Variants in TMEM108 observed in about 807,000 individuals in gnomAD.
TMEM108 encodes the protein cancer/testis antigen 124.
TMEM108 carries 12 observed loss-of-function variants against 35.1 expected under a neutral mutation model. That is an observed-to-expected ratio of 0.34 (90% CI 0.22 to 0.55). The LOEUF (loss-of-function observed/expected upper bound fraction) is 0.55, where lower values mean the gene tolerates loss of function less well. Ranked by LOEUF, TMEM108 falls within the 20% of genes least tolerant of loss-of-function variation. TMEM108 has a pLI of 0.89. For synonymous variants in TMEM108, 287 were observed against 308.6 expected (o/e 0.93, Z 0.73); for missense variants, 680 against 753.3 (o/e 0.90, Z 1.14).
At chr3:133,355,976 C>T (rs1373869003) in intron 3 of TMEM108, among the ~76,000 whole-genome samples, 1 of 151,984 alleles carries the variant, frequency 6.6e-6, no homozygotes, top group Non-Finnish European at 1.5e-5. Context: ...CTACCCACAG[C>T]AATCAGTCAA....
At chr3:133,225,856 A>G (rs1946062818) in intron 2 of TMEM108, among the ~76,000 whole-genome samples, 1 of 152,240 alleles carries the variant, frequency 6.6e-6, no homozygotes, top group Non-Finnish European at 1.5e-5. Flanking sequence ...ATTGTTGATG[A>G]AAAAACCAAA....
intron 4 of TMEM108, chr3:133,386,601 T>G (rs2073153739): frequency 6.9e-7 from 1 of 1,442,814 alleles, no homozygotes; most frequent in Non-Finnish European, 9.1e-7. Context: ...GTTTTAAAAC[T>G]CAAGGAAATT....
At chr3:133,200,754 C>T (rs1945650833) in intron 2 of TMEM108, among the ~76,000 whole-genome samples, 1 of 152,160 alleles carries the variant, frequency 6.6e-6, no homozygotes. Context: ...CCTCCCTAGT[C>T]CCCACATTTG....
chr3:133,133,253 C>T (rs1001341811), intron 2 of TMEM108, among the ~76,000 whole-genome samples: 1 of 152,170 alleles, frequency 6.6e-6, no homozygotes, highest in African/African-American at 2.4e-5. Flanking sequence ...GAAATTGCCA[C>T]AGCCACCCCA....
At chr3:133,281,203 CAA>C (rs558713485) in intron 3 of TMEM108, among the ~76,000 whole-genome samples, 5 of 151,464 alleles carry the variant, frequency 3.3e-5, no homozygotes, top group Admixed American at 3.3e-4. Context: ...AACTGCAGGG[CAA>C]AAAAAGAGAG....
At chr3:133,192,024 C>T (rs1045821130) in intron 2 of TMEM108, among the ~76,000 whole-genome samples, 2 of 152,084 alleles carry the variant, frequency 1.3e-5, no homozygotes, top group African/African-American at 4.8e-5. Context: ...CTGCCCCTAT[C>T]CCACTCTGTC....
intron 2 of TMEM108, among the ~76,000 whole-genome samples, chr3:133,206,956 A>C (rs1945764377): frequency 6.6e-6 from 1 of 152,158 alleles, no homozygotes; most frequent in Non-Finnish European, 1.5e-5. Context: ...TTTATCTATA[A>C]GTTCCTGACT....
intron 3 of TMEM108, among the ~76,000 whole-genome samples, chr3:133,243,811 A>T (rs1365731563): frequency 3.3e-5 from 5 of 152,016 alleles, no homozygotes. Context: ...GGCATGAGCC[A>T]CCGCGCCCGG....
intron 2 of TMEM108, among the ~76,000 whole-genome samples, chr3:133,168,849 T>G (rs1945084744): frequency 6.6e-6 from 1 of 152,194 alleles, no homozygotes; most frequent in Admixed American, 6.5e-5. Flanking sequence ...GCTTCACTCC[T>G]GAGGCCAGCG....
intron 2 of TMEM108, among the ~76,000 whole-genome samples, chr3:133,053,916 G>A (rs145984828): frequency 1.3e-5 from 2 of 152,278 alleles, no homozygotes; most frequent in African/African-American, 2.4e-5. Context: ...AGTATGATAG[G>A]TTTTGTAGTA....
At chr3:133,332,081 TGCACACAC>T in intron 3 of TMEM108, among the ~76,000 whole-genome samples, 1 of 52,588 alleles carries the variant, frequency 1.9e-5, no homozygotes, top group Admixed American at 1.7e-4. Context: ...CGTGCGCACG[TGCACACAC>T]ACACACACAC....
At chr3:133,243,535 G>A (rs1258823889) in intron 3 of TMEM108, among the ~76,000 whole-genome samples, 1 of 126,160 alleles carries the variant, frequency 7.9e-6, no homozygotes, top group South Asian at 3.0e-4. Context: ...GGCGGGGGGT[G>A]GGGGGGACGG....
At chr3:133,383,566 ACTC>A (rs1312108907) in intron 4 of TMEM108, among the ~76,000 whole-genome samples, 2 of 151,924 alleles carry the variant, frequency 1.3e-5, no homozygotes, top group Non-Finnish European at 2.9e-5. Flanking sequence ...TTCTAAAAGA[ACTC>A]CTACTTCTCC....
chr3:133,294,979 T>G (rs1425442611), intron 3 of TMEM108, among the ~76,000 whole-genome samples: 1 of 152,186 alleles, frequency 6.6e-6, no homozygotes, highest in Admixed American at 6.6e-5. Context: ...GAAAAGTACT[T>G]GGGGTTTATC....
At chr3:133,388,583 CTA>C (rs1206313851) in intron 4 of TMEM108, 11 of 985,270 alleles carry the variant, frequency 1.1e-5, no homozygotes, top group Non-Finnish European at 1.2e-5. Context: ...GAAATTCCTT[CTA>C]TGTTTTAAAG....
At chr3:133,226,948 AAG>A (rs1946080520) in intron 2 of TMEM108, among the ~76,000 whole-genome samples, 1 of 152,054 alleles carries the variant, frequency 6.6e-6, no homozygotes, top group African/African-American at 2.4e-5. Context: ...GTGGCAGGCA[AAG>A]AGAGAGAGCT....
At chr3:133,261,426 C>A (rs918497294) in intron 3 of TMEM108, among the ~76,000 whole-genome samples, 1 of 152,142 alleles carries the variant, frequency 6.6e-6, no homozygotes, top group African/African-American at 2.4e-5. Context: ...TTTAAAAATG[C>A]ATTTCTGAAA....
intron 2 of TMEM108, among the ~76,000 whole-genome samples, chr3:133,113,276 A>G (rs773871369): frequency 1.3e-5 from 2 of 152,196 alleles, no homozygotes; most frequent in Non-Finnish European, 2.9e-5. Flanking sequence ...GCAGTCACCT[A>G]GTATTTCTCA....
intron 3 of TMEM108, among the ~76,000 whole-genome samples, chr3:133,233,590 T>C (rs1946188393): frequency 6.6e-6 from 1 of 151,938 alleles, no homozygotes; most frequent in Non-Finnish European, 1.5e-5. Context: ...GTATTTCTAG[T>C]TCTAGATCCC....
Sources: allele counts gnomAD v4.1 joint callset (sites outside exome capture counted in the v4.1 genomes callset), GRCh38; gene constraint gnomAD v4.1.1; transcripts MANE v1.5; gene names NCBI Gene and HGNC (gene_info 2026-07-23, HGNC 2026-07-21).